The following CENPP variants were observed in gnomAD, a reference collection of about 807,000 sequenced individuals.
The protein encoded by CENPP is centromere protein P.
A neutral mutation model predicts 35.6 loss-of-function variants in CENPP; 24 were observed. The ratio of observed to expected loss-of-function variants is 0.67; its 90% CI spans 0.49 to 0.95. The LOEUF (loss-of-function observed/expected upper bound fraction) is 0.95, where lower values mean the gene tolerates loss of function less well. Among genes scored for constraint, CENPP ranks in the 40% least tolerant of loss-of-function variants. The pLI is 0.00. For missense variants in CENPP, 332 were observed against 345.3 expected, an observed-to-expected ratio of 0.96 and a Z score of 0.31; for synonymous variants, 120 against 125.5, an observed-to-expected ratio of 0.96 and a Z score of 0.29.
At chr9:92,583,592 T>G (rs1341027245) in intron 5 of CENPP, among the ~76,000 whole-genome samples, 1 of 152,214 alleles carries the variant, frequency 6.6e-6, no homozygotes, top group Non-Finnish European at 1.5e-5. Flanking sequence ...CTTAGCATTT[T>G]TTTCTGAATA....
chr9:92,522,859 A>G (rs767832829), intron 5 of CENPP: 17 of 1,600,900 alleles, frequency 1.1e-5, no homozygotes, highest in Non-Finnish European at 1.4e-5. Context: ...CAAAACTGCA[A>G]TCTTCATGTT....
chr9:92,535,192 C>T (rs1849094078), intron 5 of CENPP, among the ~76,000 whole-genome samples: 1 of 152,186 alleles, frequency 6.6e-6, no homozygotes, highest in Admixed American at 6.5e-5. Context: ...TTGACAAAAT[C>T]AGTATCTAAA....
intron 5 of CENPP, among the ~76,000 whole-genome samples, chr9:92,483,386 G>A (rs1161019917): frequency 1.3e-5 from 2 of 152,088 alleles, no homozygotes; most frequent in Admixed American, 6.5e-5. Flanking sequence ...CCGCCACCAC[G>A]CCTGGCTAAT....
intron 5 of CENPP, among the ~76,000 whole-genome samples, chr9:92,583,957 A>C (rs927467765): frequency 6.6e-6 from 1 of 152,220 alleles, no homozygotes; most frequent in African/African-American, 2.4e-5. Flanking sequence ...TCTGTCTATG[A>C]GTTGATGGCT....
In CENPP at chr9:92,551,144, C is replaced by T. The variant is rs149026765; in HGVS notation, c.565-60170C>T. 7.2e-5 allele frequency among the ~76,000 whole-genome samples: 11 copies of T among 152,200 alleles called. 1 individual carries two copies. In the South Asian group the frequency reaches 8.3e-4, roughly 11 times the overall value. On this transcript the variant is annotated intron_variant, in intron 5 of 7. Coordinates refer to ENST00000375587, the MANE Select transcript of CENPP (RefSeq NM_001012267.3). Reference sequence around the variant, plus strand: ...ATAGACATCTTGCTTAGTGGCCAAGCGGAGCCCATGTCACAAACCCCTCTT... The same window carrying T: ...ATAGACATCTTGCTTAGTGGCCAAGTGGAGCCCATGTCACAAACCCCTCTT...
Position 92,535,924 on chromosome 9 carries a change from C to CT in CENPP, c.565-75384dup, listed in dbSNP as rs750722006. On this transcript the variant is annotated intron_variant, in intron 5 of 7. Coordinates refer to ENST00000375587, the MANE Select transcript of CENPP (RefSeq NM_001012267.3). ...CTAAGTAGAAACTTAAAATTTAAAA[C>CT]TTTTTTACCTGGAGATCTAAACTAA... 23 of 468,466 alleles carry CT rather than the reference C, an allele frequency of 4.9e-5. 1 individual carries two copies. Among genetic ancestry groups the CT allele is most frequent in the South Asian group, 3.7e-4 (23 of 61,894 alleles). The allele number at this position is 468,466 out of a possible 1,614,324, so 29.0% of individuals were successfully genotyped here.
Position 92,618,325 on chromosome 9 carries a change from G to T in CENPP, c.*5176G>T, listed in dbSNP as rs1181272164. 2 of 456,586 alleles carry T rather than the reference G, an allele frequency of 4.4e-6. No homozygotes were observed. The highest frequency in any genetic ancestry group is 3.1e-5 in the South Asian group (2 of 64,574). 28.3% of individuals were successfully genotyped at this position (456,586 alleles called of 1,614,324 possible). A position where few individuals can be genotyped will look rare whatever the true frequency, so the allele number is the denominator to read the frequency against. Reference sequence around the variant, plus strand: ...CCCCTCCCCTCCTAGTGTCGTTTCTGCTGAGCAGCTGGTCGTAAGGACCCG... The same window carrying T: ...CCCCTCCCCTCCTAGTGTCGTTTCTTCTGAGCAGCTGGTCGTAAGGACCCG... On this transcript the variant is annotated 3_prime_UTR_variant, in exon 8 of 8. Coordinates refer to ENST00000375587, the MANE Select transcript of CENPP (RefSeq NM_001012267.3).
At chr9:92,483,584 A>G (rs564664039) in intron 5 of CENPP, among the ~76,000 whole-genome samples, 8 of 152,312 alleles carry the variant, frequency 5.3e-5, no homozygotes, top group East Asian at 3.9e-4. Flanking sequence ...AGTGACCCCA[A>G]TGGTTCTTCC....
intron 5 of CENPP, among the ~76,000 whole-genome samples, chr9:92,467,602 C>T (rs947976090): frequency 6.6e-6 from 1 of 152,150 alleles, no homozygotes; most frequent in African/African-American, 2.4e-5. Flanking sequence ...ATTTTGTTCT[C>T]AAATTCATTT....
At chr9:92,394,999 C>T (rs1588092636) in intron 5 of CENPP, among the ~76,000 whole-genome samples, 1 of 152,116 alleles carries the variant, frequency 6.6e-6, no homozygotes, top group Non-Finnish European at 1.5e-5. Context: ...CAAATTGTCA[C>T]AGATTAGGCC....
intron 5 of CENPP, among the ~76,000 whole-genome samples, chr9:92,455,402 AAAAC>A (rs1441884431): frequency 4.6e-5 from 7 of 152,012 alleles, no homozygotes; most frequent in Admixed American, 2.0e-4. Flanking sequence ...AACAAAATAA[AAAAC>A]AAACAAAAAC....
At chr9:92,611,096 A>C (rs978812302) in intron 5 of CENPP, 5 of 603,564 alleles carry the variant, frequency 8.3e-6, no homozygotes, top group Non-Finnish European at 1.5e-5. Context: ...CATGATGGGG[A>C]AGCAGCAGTC....
chr9:92,450,508 G>A (rs1006271111), intron 5 of CENPP, among the ~76,000 whole-genome samples: 1 of 152,066 alleles, frequency 6.6e-6, no homozygotes, highest in African/African-American at 2.4e-5. Flanking sequence ...TTGGACATTA[G>A]GGTTGGTTCC....
At chr9:92,483,199 C>A (rs1845966755) in intron 5 of CENPP, among the ~76,000 whole-genome samples, 1 of 151,980 alleles carries the variant, frequency 6.6e-6, no homozygotes, top group Non-Finnish European at 1.5e-5. Flanking sequence ...CCCAATTCTA[C>A]ATCAACTAAG....
intron 4 of CENPP, among the ~76,000 whole-genome samples, chr9:92,348,103 T>C (rs1486515100): frequency 1.2e-5 from 1 of 86,264 alleles, no homozygotes; most frequent in African/African-American, 5.1e-5. Context: ...TTTCTTTCTT[T>C]CTTTCTTTCT....
intron 5 of CENPP, among the ~76,000 whole-genome samples, chr9:92,388,941 A>G (rs749453918): frequency 2.6e-5 from 4 of 152,146 alleles, no homozygotes; most frequent in Admixed American, 1.3e-4. Context: ...TAACTTTAAA[A>G]TGTCCCTTAA....
chr9:92,419,715 A>G (rs188148862), intron 5 of CENPP, among the ~76,000 whole-genome samples: 2 of 152,328 alleles, frequency 1.3e-5, no homozygotes, highest in African/African-American at 4.8e-5. Flanking sequence ...TGAATGTATC[A>G]TTTAGGAAAA....
At chr9:92,541,427 G>A (rs1021065037) in intron 5 of CENPP, among the ~76,000 whole-genome samples, 12 of 16,978 alleles carry the variant, frequency 7.1e-4, no homozygotes, top group African/African-American at 1.5e-3. Context: ...TCCCCACCCC[G>A]CCCACACCCC....
chr9:92,520,528 G>A (rs949824449), intron 5 of CENPP, among the ~76,000 whole-genome samples: 5 of 152,146 alleles, frequency 3.3e-5, no homozygotes, highest in Non-Finnish European at 7.4e-5. Context: ...TAACAGCATA[G>A]CCACTTTGGA....
Sources: gnomAD v4.1 joint callset for allele counts (sites outside exome capture counted in the v4.1 genomes callset) on GRCh38, gnomAD v4.1.1 for gene constraint, MANE v1.5 for transcripts, NCBI Gene and HGNC (gene_info 2026-07-23, HGNC 2026-07-21) for gene names.